Variants in TBC1D8B observed in about 807,000 individuals in gnomAD.
TBC1D8B encodes TBC1 domain family member 8B.
A neutral mutation model predicts 82.9 loss-of-function variants in TBC1D8B; 75 were observed. The ratio of observed to expected loss-of-function variants is 0.90; its 90% confidence interval spans 0.75 to 1.10. TBC1D8B has a LOEUF of 1.10. Among genes scored for constraint, TBC1D8B ranks in the 50% least tolerant of loss-of-function variants. The pLI is 0.00. For missense variants in TBC1D8B, 794 were observed against 796.9 expected (o/e 1.00, Z 0.04); for synonymous variants, 276 against 276.8 (o/e 1.00, Z 0.03).
At chrX:106,837,820 A>G (rs1932208841) in intron 7 of TBC1D8B, among the ~76,000 whole-genome samples, 1 of 111,887 alleles carries the variant, frequency 8.9e-6, no homozygotes, top group African/African-American at 3.2e-5. Flanking sequence ...ATAGTATTCC[A>G]TTGTAAAAAT....
rs1602398912 is a variant in TBC1D8B, at chrX:106,802,716, A to G, written c.-138A>G. ...GTGGGAGAGAAGGGAGGGTTGGGGG[A>G]AGTGTGGAAAACCTGAACCTGAGCT... On this transcript the variant is annotated 5_prime_UTR_variant, in exon 1 of 21. Transcript: ENST00000357242. 3.5e-6 allele frequency: 3 copies of G among 860,371 alleles called. No individual in the cohort carries two copies. The highest frequency in any genetic ancestry group is 4.1e-5 in the African/African-American group (2 of 49,349). 70.9% of individuals were successfully genotyped at this position (860,371 alleles called of 1,213,427 possible). A position where few individuals can be genotyped will look rare whatever the true frequency, so the allele number is the denominator to read the frequency against.
intron 7 of TBC1D8B, among the ~76,000 whole-genome samples, chrX:106,837,383 G>A: frequency 9.0e-6 from 1 of 111,397 alleles, no homozygotes; most frequent in Non-Finnish European, 1.9e-5. Context: ...ATGGTTAAAG[G>A]ATTTGAATAG....
Position 106,848,237 on chromosome X carries a change from G to A in TBC1D8B, c.1771G>A (p.Ala591Thr), listed in dbSNP as rs140087761. The A allele has an allele frequency of 1.2e-5, 14 of 1,194,450 alleles. No homozygotes were observed. The African/African-American group carries it at 1.9e-4, about 16-fold the overall frequency. ...VLLLYAKEEE[A>T]FWLLVAVCER... ...GCTTCTATATGCAAAAGAGGAAGAA[G>A]CTTTTTGGCTTCTGGTTGCTGTATG... Residue 591 changes from alanine (A) to threonine (T), a missense_variant, in exon 11 of 21, where the codon GCT (alanine) becomes ACT (threonine). Ala to Thr is a moderately conservative substitution (Grantham distance 58). Coordinates refer to ENST00000357242, the MANE Select transcript of TBC1D8B (RefSeq NM_017752.3).
At chrX:106,803,370 C>T (rs190741818) in intron 1 of TBC1D8B, among the ~76,000 whole-genome samples, 1 of 111,266 alleles carries the variant, frequency 9.0e-6, no homozygotes, top group Admixed American at 9.5e-5. Context: ...AGAACCCATA[C>T]CGATCATCAG....
chrX:106,809,012 G>A (rs1462128522), intron 1 of TBC1D8B, among the ~76,000 whole-genome samples: 2 of 111,627 alleles, frequency 1.8e-5, no homozygotes, highest in African/African-American at 3.3e-5. Flanking sequence ...AAAGTAAAAG[G>A]CATTATAATG....
In TBC1D8B at chrX:106,839,292, A is replaced by G; in HGVS notation, c.1204-16A>G. ...GTAAGCATGCATCTGGGACAACTAC[A>G]TTCTTTCTTTTTCAGCTTGCTATTA... On this transcript the variant is annotated splice_polypyrimidine_tract_variant and intron_variant, in intron 7 of 20. Coordinates refer to ENST00000357242, the MANE Select transcript of TBC1D8B (RefSeq NM_017752.3). 8.8e-7 allele frequency: 1 copy of G among 1,130,355 alleles called. No homozygotes were observed. The highest frequency in any genetic ancestry group is 1.2e-6 in the Non-Finnish European group (1 of 854,191). The allele number at this position is 1,130,355 out of a possible 1,213,427, so 93.2% of individuals were successfully genotyped here.
At chrX:106,847,772 G>T (rs1419449099) in intron 10 of TBC1D8B, among the ~76,000 whole-genome samples, 1 of 111,643 alleles carries the variant, frequency 9.0e-6, no homozygotes, top group African/African-American at 3.2e-5. Context: ...CAAAATTGAG[G>T]ATGATTCATA....
chrX:106,806,993 G>T (rs1235568740), intron 1 of TBC1D8B, among the ~76,000 whole-genome samples: 1 of 111,189 alleles, frequency 9.0e-6, no homozygotes. Context: ...AAAATATAAA[G>T]CTTCTTTCCC....
chrX:106,866,710 G>T (rs1932817272), intron 16 of TBC1D8B, 87 bp from the exon 17 acceptor site: 2 of 688,077 alleles, frequency 2.9e-6, no homozygotes, highest in Admixed American at 6.9e-5. Flanking sequence ...TTTGACTAAT[G>T]TCTATATCTT....
At position 106,874,846 on chromosome X, in the gene TBC1D8B, T is replaced by G. The variant is rs1322111392; in HGVS notation, c.*881T>G. 8.9e-6 allele frequency: 1 copy of G among 111,818 alleles called. No homozygotes were observed. Among genetic ancestry groups the G allele is most frequent in the African/African-American group, 3.3e-5 (1 of 30,726 alleles). The allele number at this position is 111,818 out of a possible 1,213,427, so 9.2% of individuals were successfully genotyped here. Reference sequence around the variant, plus strand: ...TGACTGTTTTGGTTCTAGCTTTAGATTTTGGATTTTCACCAGTCATGTGTT... The same window carrying G: ...TGACTGTTTTGGTTCTAGCTTTAGAGTTTGGATTTTCACCAGTCATGTGTT... On this transcript the variant is annotated 3_prime_UTR_variant, in exon 21 of 21. Transcript: ENST00000357242.
chrX:106,858,556 GCCACC>G (rs2147767606), intron 14 of TBC1D8B, among the ~76,000 whole-genome samples: 1 of 112,536 alleles, frequency 8.9e-6, no homozygotes, highest in Admixed American at 9.4e-5. Flanking sequence ...ATAGGCATGA[GCCACC>G]ACACCTGGCC....
chrX:106,818,782 GAT>G lies in TBC1D8B; in HGVS notation c.241+10_241+11del. 1 of 1,154,357 alleles carries G rather than the reference GAT, an allele frequency of 8.7e-7. No individual in the cohort carries two copies. Among genetic ancestry groups the G allele is most frequent in the Non-Finnish European group, 1.2e-6 (1 of 848,311 alleles). On this transcript the variant is annotated intron_variant, in intron 2 of 20. Transcript: ENST00000357242. ...CTTGTCAATTGCATGTGGTGAGTAT[GAT>G]TTTTAAAACATAATTCAAATTAAAT...
chrX:106,848,295 G>A lies in TBC1D8B; in HGVS notation c.1829G>A (p.Arg610Gln), dbSNP rs146374093. The change falls in exon 11 of 21, where the codon CGA (arginine) becomes CAA (glutamine). Residue 610 changes from arginine to glutamine, a missense_variant. By Grantham distance (43) the Arg-to-Gln change is conservative (BLOSUM62 1). Transcript: ENST00000357242. The part of the protein sequence containing the change: ...ERMLPDYFNR[R>Q]IIGALVDQAV... ...ATGTTGCCTGATTATTTTAATCGTC[G>A]AATTATTGGTAAAAGAAAAACCACA... 9.8e-5 allele frequency: 115 copies of A among 1,170,819 alleles called. No homozygotes were observed. The highest frequency in any genetic ancestry group is 2.4e-4 in the Middle Eastern group (1 of 4,210).
At chrX:106,830,995 A>G (rs12860084) in intron 7 of TBC1D8B, among the ~76,000 whole-genome samples, 2 of 109,867 alleles carry the variant, frequency 1.8e-5, no homozygotes, top group Admixed American at 1.9e-4. Flanking sequence ...ATTAGAGAGG[A>G]CAAGGAGGAT....
chrX:106,812,233 CTT>C (rs920206277), intron 1 of TBC1D8B, among the ~76,000 whole-genome samples: 2 of 111,624 alleles, frequency 1.8e-5, no homozygotes, highest in Admixed American at 1.9e-4. Context: ...AATCCACAAA[CTT>C]TATTGAGCAC....
At chrX:106,830,839 A>G (rs986579869) in intron 7 of TBC1D8B, among the ~76,000 whole-genome samples, 1 of 106,761 alleles carries the variant, frequency 9.4e-6, no homozygotes, top group Non-Finnish European at 1.9e-5. Flanking sequence ...AGATATACCT[A>G]ATGCTAGAGG....
At chrX:106,833,101 C>G (rs1269724503) in intron 7 of TBC1D8B, among the ~76,000 whole-genome samples, 1 of 111,152 alleles carries the variant, frequency 9.0e-6, no homozygotes, top group Non-Finnish European at 1.9e-5. Flanking sequence ...CAGGTCAACT[C>G]TGGCCCCCAA....
Position 106,834,124 on chromosome X carries a change from C to T in TBC1D8B, c.1204-5184C>T, listed in dbSNP as rs147087080. On this transcript the variant is annotated intron_variant, in intron 7 of 20. Transcript: ENST00000357242. ...TCCTATCTATACTCATCTGTTCTCA[C>T]GCTGCTATGATGAAATACCCAAGAC... Among the ~76,000 whole-genome samples the T allele has an allele frequency of 1.2e-3, 131 of 111,070 alleles. No individual in the cohort carries two copies. In the East Asian group the frequency reaches 0.026, roughly 22 times the overall value.
chrX:106,833,376 C>T (rs1162176560), intron 7 of TBC1D8B, among the ~76,000 whole-genome samples: 1 of 111,260 alleles, frequency 9.0e-6, no homozygotes, highest in African/African-American at 3.3e-5. Flanking sequence ...GTTTATTTGT[C>T]GTAAGTGTGA....
Sources: allele counts gnomAD v4.1 joint callset (sites outside exome capture counted in the v4.1 genomes callset), GRCh38; gene constraint gnomAD v4.1.1; transcripts MANE v1.5; gene names NCBI Gene and HGNC (gene_info 2026-07-23, HGNC 2026-07-21).